Variants in SETD4 observed in about 807,000 individuals in gnomAD.
The protein encoded by SETD4 is SET domain containing 4.
Under a neutral mutation model 58.3 loss-of-function variants are expected in SETD4, and 46 were observed. That is an observed-to-expected ratio of 0.79 (90% confidence interval 0.62 to 1.01). SETD4 has a LOEUF of 1.01. Ranked by LOEUF, SETD4 falls within the 50% of genes least tolerant of loss-of-function variation. The pLI is 0.00. For synonymous variants in SETD4, 190 were observed against 202.6 expected, an observed-to-expected ratio of 0.94 and a Z score of 0.53; for missense variants, 490 against 523.3, an observed-to-expected ratio of 0.94 and a Z score of 0.62.
At chr21:36,050,929 T>A in intron 4 of SETD4, 1 of 1,609,764 alleles carries the variant, frequency 6.2e-7, no homozygotes, top group Non-Finnish European at 8.5e-7. Context: ...GTGGGGATGA[T>A]GTGTTCATTG....
intron 4 of SETD4, chr21:36,051,268 T>C (rs1191088888): frequency 1.9e-6 from 3 of 1,597,942 alleles, no homozygotes; most frequent in African/African-American, 1.3e-5. Context: ...TCCAGCTCTG[T>C]TGACAGTGAC....
At chr21:36,038,107 A>C (rs1239489397) in intron 10 of SETD4, 43 bp downstream of exon 10, 1 of 1,591,222 alleles carries the variant, frequency 6.3e-7, no homozygotes, top group South Asian at 1.2e-5. Context: ...GGAACTGCTG[A>C]ATCAAGACAC....
At chr21:36,054,084 G>GT (rs1478935727) in intron 3 of SETD4, among the ~76,000 whole-genome samples, 1 of 152,102 alleles carries the variant, frequency 6.6e-6, no homozygotes, top group Non-Finnish European at 1.5e-5. Context: ...CCCCACTCAA[G>GT]TCCCCACAAA....
At chr21:36,050,557 A>G in intron 4 of SETD4, 4 of 1,613,682 alleles carry the variant, frequency 2.5e-6, no homozygotes, top group South Asian at 1.1e-5. Context: ...AACTGCGTTA[A>G]TAAGTTCTGG....
At chr21:36,058,258 G>A (rs1357635617) in intron 2 of SETD4, among the ~76,000 whole-genome samples, 1 of 152,066 alleles carries the variant, frequency 6.6e-6, no homozygotes, top group Non-Finnish European at 1.5e-5. Context: ...CCAGTGCTTT[G>A]GGGAGGCCAA....
At chr21:36,043,604 T>C in intron 7 of SETD4, 178 bp downstream of exon 7, 2 of 1,406,390 alleles carry the variant, frequency 1.4e-6, no homozygotes, top group East Asian at 2.6e-5. Context: ...TTCGTTGTTT[T>C]TACTTCAACA....
At chr21:36,056,819 A>G (rs1290838695) in intron 3 of SETD4, among the ~76,000 whole-genome samples, 1 of 152,150 alleles carries the variant, frequency 6.6e-6, no homozygotes, top group East Asian at 1.9e-4. Context: ...CAGCCTCCCA[A>G]AGTGCTGGGA....
chr21:36,042,966 GTAA>G (rs1027580591), intron 7 of SETD4: 2 of 152,084 alleles, frequency 1.3e-5, no homozygotes, highest in African/African-American at 4.8e-5. Context: ...ATTAAAAATA[GTAA>G]TAATAAAACC....
rs561219436 is a variant in SETD4, at chr21:36,045,068, A to T, written c.726+514T>A. Among the ~76,000 whole-genome samples, 5 of 152,284 alleles carry T rather than the reference A, an allele frequency of 3.3e-5. No homozygotes were observed. In the South Asian group the frequency reaches 1.0e-3, roughly 32 times the overall value. On this transcript the variant is annotated intron_variant, in intron 6 of 11. Transcript: ENST00000332131. ...TCCATTCAATAAACATTTACTGAACACCTACTATGTGCCAGGCCCTGCCAT... is the reference window on the plus strand; with the variant it reads ...TCCATTCAATAAACATTTACTGAACTCCTACTATGTGCCAGGCCCTGCCAT...
chr21:36,057,647 T>C (rs62230822), intron 2 of SETD4, among the ~76,000 whole-genome samples: 52,947 of 152,134 alleles, frequency 0.35, 9,429 homozygotes, highest in Admixed American at 0.4. Flanking sequence ...CCAAAATTCA[T>C]GTGGAAATGT....
Position 36,041,102 on chromosome 21 carries a change from G to A in SETD4, c.984-447C>T, listed in dbSNP as rs539148316. ...GTGAACCCGGGAGGCAGAGCTTGCA[G>A]TGAGCTGAGATTGCGCCACTGCACT... On this transcript the variant is annotated intron_variant, in intron 8 of 11. Transcript: ENST00000332131. Among the ~76,000 whole-genome samples the A allele has an allele frequency of 4.4e-3, 612 of 139,632 alleles. 4 individuals are homozygous for A. Among genetic ancestry groups the A allele is most frequent in the African/African-American group, 0.015 (573 of 37,454 alleles). The allele number at this position is 139,632 out of a possible 152,430, so 91.6% of individuals were successfully genotyped here. A position where few individuals can be genotyped will look rare whatever the true frequency, so the allele number is the denominator to read the frequency against.
At chr21:36,047,187 G>A (rs1377463142) in intron 5 of SETD4, among the ~76,000 whole-genome samples, 1 of 152,076 alleles carries the variant, frequency 6.6e-6, no homozygotes, top group Non-Finnish European at 1.5e-5. Flanking sequence ...CCCGGAAGGT[G>A]GAGGTTGCAG....
chr21:36,060,027 CA>C (rs1292220146), intron 1 of SETD4: 1 of 985,462 alleles, frequency 1.0e-6, no homozygotes, highest in African/African-American at 1.7e-5. Flanking sequence ...CCATAGTCCT[CA>C]AACTCTAGCC....
intron 2 of SETD4, among the ~76,000 whole-genome samples, chr21:36,057,859 A>G (rs1323485813): frequency 1.3e-5 from 2 of 152,262 alleles, no homozygotes; most frequent in African/African-American, 4.8e-5. Context: ...TCTTTTCAAT[A>G]AATGATGATC....
intron 10 of SETD4, among the ~76,000 whole-genome samples, chr21:36,037,163 T>G (rs959614490): frequency 1.3e-5 from 2 of 152,226 alleles, no homozygotes; most frequent in Admixed American, 1.3e-4. Context: ...AATTGCTAAG[T>G]GCAGATTTTA....
chr21:36,037,604 CAA>C (rs761175944), intron 10 of SETD4, among the ~76,000 whole-genome samples: 7 of 62,720 alleles, frequency 1.1e-4, no homozygotes, highest in Admixed American at 1.6e-4. Flanking sequence ...GACTCTGTCT[CAA>C]AAAAAAAAAA....
chr21:36,052,817 CCAAG>C (rs2064784855), intron 4 of SETD4: 1 of 152,106 alleles, frequency 6.6e-6, no homozygotes. Context: ...GAAACAGGAG[CCAAG>C]AGTATGAGGG....
chr21:36,050,943 G>A, intron 4 of SETD4: 2 of 1,609,940 alleles, frequency 1.2e-6, no homozygotes, highest in Non-Finnish European at 1.7e-6. Context: ...TTCATTGAGT[G>A]AACAAGGGAA....
intron 9 of SETD4, among the ~76,000 whole-genome samples, chr21:36,039,489 G>A (rs1161451768): frequency 6.6e-6 from 1 of 152,202 alleles, no homozygotes; most frequent in Non-Finnish European, 1.5e-5. Flanking sequence ...AGGATTTAAA[G>A]AAGCTAACAT....
Sources: gnomAD v4.1 joint callset for allele counts (sites outside exome capture counted in the v4.1 genomes callset) on GRCh38, gnomAD v4.1.1 for gene constraint, MANE v1.5 for transcripts, NCBI Gene and HGNC (gene_info 2026-07-23, HGNC 2026-07-21) for gene names.